Variants in GSE1 observed in about 807,000 individuals in gnomAD.
The protein encoded by GSE1 is genetic suppressor element 1.
GSE1 carries 32 observed loss-of-function variants against 112.6 expected under a neutral mutation model. The observed-to-expected ratio is 0.28, with a 90% confidence interval of 0.21 to 0.38. The LOEUF (loss-of-function observed/expected upper bound fraction) is 0.38. Ranked by LOEUF, GSE1 falls within the 10% of genes least tolerant of loss-of-function variation. The pLI, the probability that GSE1 is intolerant of heterozygous loss-of-function variation, is 1.00. For synonymous variants in GSE1, 1,115 were observed against 735.6 expected (o/e 1.52, Z -8.35); for missense variants, 2,348 against 1,699.2 (o/e 1.38, Z -6.71).
At chr16:85,620,121 A>G (rs1322843135) in intron 1 of GSE1, among the ~76,000 whole-genome samples, 2 of 152,110 alleles carry the variant, frequency 1.3e-5, no homozygotes, top group East Asian at 3.9e-4. Flanking sequence ...AAAAATAAAA[A>G]TAAAAATAAA....
At chr16:85,324,039 A>T (rs537163426) in intron 1 of GSE1, among the ~76,000 whole-genome samples, 5 of 152,368 alleles carry the variant, frequency 3.3e-5, no homozygotes, top group African/African-American at 1.2e-4. Flanking sequence ...GGCAGGAATT[A>T]AAAAGGCAGA....
chr16:85,663,045 C>T lies in GSE1; in HGVS notation c.2325C>T (p.Leu775=). 6.2e-7 allele frequency: 1 copy of T among 1,613,294 alleles called. No individual in the cohort carries two copies. The highest frequency in any genetic ancestry group is 8.5e-7 in the Non-Finnish European group (1 of 1,179,866). ...ATGAGGAGGAGGTCAGGGCCCACCT[C>T]CGTTGCGTGGCCGAGCAGCCGCCCC... ...ESDEEEVRAH[L]RCVAEQPPLK... is the part of the protein sequence containing the mutation. Residue 775 remains leucine (L), a synonymous_variant, in exon 10 of 16, where the codon CTC becomes CTT. Coordinates refer to ENST00000253458, the MANE Select transcript of GSE1 (RefSeq NM_014615.5).
chr16:85,360,632 C>T (rs1361674732), intron 2 of GSE1, among the ~76,000 whole-genome samples: 2 of 151,952 alleles, frequency 1.3e-5, no homozygotes, highest in South Asian at 2.1e-4. Flanking sequence ...GGCGGCGGGG[C>T]GGGTGCAGGG....
At chr16:85,212,025 C>T (rs1011052763) in intron 1 of GSE1, among the ~76,000 whole-genome samples, 1 of 152,196 alleles carries the variant, frequency 6.6e-6, no homozygotes, top group Non-Finnish European at 1.5e-5. Flanking sequence ...TGAGCCATGT[C>T]CCTCAACTTT....
intron 1 of GSE1, among the ~76,000 whole-genome samples, chr16:85,331,456 T>C (rs2046352526): frequency 7.0e-6 from 1 of 142,958 alleles, no homozygotes; most frequent in Non-Finnish European, 1.5e-5. Flanking sequence ...TATATGTATA[T>C]ATATGTGTGT....
intron 1 of GSE1, among the ~76,000 whole-genome samples, chr16:85,212,707 T>C (rs1268786404): frequency 6.6e-6 from 1 of 152,128 alleles, no homozygotes; most frequent in East Asian, 1.9e-4. Flanking sequence ...AGAAAACTAA[T>C]ATGACGCCCC....
chr16:85,170,566 A>T, exon 1 of GSE1: 1 of 985,698 alleles, frequency 1.0e-6, no homozygotes, highest in Non-Finnish European at 1.2e-6. Flanking sequence ...CAAAGAGAAG[A>T]ACAGTGGCCG....
At chr16:85,641,249 C>A (rs1489812736) in intron 2 of GSE1, among the ~76,000 whole-genome samples, 3 of 152,254 alleles carry the variant, frequency 2.0e-5, no homozygotes, top group African/African-American at 4.8e-5. Flanking sequence ...GCGGACTCTC[C>A]CGGCTCCATC....
chr16:85,305,567 G>A (rs1236895383), intron 1 of GSE1, among the ~76,000 whole-genome samples: 4 of 152,000 alleles, frequency 2.6e-5, no homozygotes, highest in African/African-American at 4.8e-5. Flanking sequence ...TGCAACCTCC[G>A]CCTCCTGGGT....
At chr16:85,559,026 T>G (rs1442310017) in intron 1 of GSE1, among the ~76,000 whole-genome samples, 1 of 152,082 alleles carries the variant, frequency 6.6e-6, no homozygotes, top group Non-Finnish European at 1.5e-5. Flanking sequence ...CCAGGCTAAT[T>G]TGTGTATTTT....
intron 1 of GSE1, among the ~76,000 whole-genome samples, chr16:85,236,372 C>G (rs545193103): frequency 6.6e-6 from 1 of 152,332 alleles, no homozygotes; most frequent in Admixed American, 6.5e-5. Context: ...TTTCACATCC[C>G]CCAAGTTGCA....
intron 2 of GSE1, among the ~76,000 whole-genome samples, chr16:85,359,838 T>C (rs1006515506): frequency 2.0e-5 from 3 of 152,060 alleles, no homozygotes; most frequent in African/African-American, 7.2e-5. Flanking sequence ...GAGACCAGCC[T>C]GGGCAACCCC....
At chr16:85,431,029 C>A (rs79926324) in intron 2 of GSE1, among the ~76,000 whole-genome samples, 9,183 of 152,168 alleles carry the variant, frequency 0.06, 469 homozygotes, top group East Asian at 0.3. Flanking sequence ...TTTTAAAGCT[C>A]CCCAAGTGAT....
chr16:85,447,141 C>T (rs1273004314), intron 2 of GSE1, among the ~76,000 whole-genome samples: 1 of 152,188 alleles, frequency 6.6e-6, no homozygotes. Flanking sequence ...CATGGGCCCT[C>T]CCAGCACCTG....
intron 1 of GSE1, among the ~76,000 whole-genome samples, chr16:85,299,809 A>G (rs546280378): frequency 6.6e-5 from 10 of 151,992 alleles, no homozygotes; most frequent in Non-Finnish European, 1.3e-4. Context: ...GTGTGGTGGC[A>G]TACATAATCA....
chr16:85,505,655 A>G (rs1222575146), intron 2 of GSE1, among the ~76,000 whole-genome samples: 2 of 152,112 alleles, frequency 1.3e-5, no homozygotes, highest in African/African-American at 4.8e-5. Flanking sequence ...TGGCGTGTAT[A>G]GACACCCCTA....
intron 2 of GSE1, among the ~76,000 whole-genome samples, chr16:85,437,017 CT>C (rs1164342106): frequency 6.6e-6 from 1 of 152,234 alleles, no homozygotes; most frequent in African/African-American, 2.4e-5. Flanking sequence ...GCCTACTCCC[CT>C]CCCCAGCGAC....
At chr16:85,220,732 C>T (rs1442795316) in intron 1 of GSE1, among the ~76,000 whole-genome samples, 1 of 152,200 alleles carries the variant, frequency 6.6e-6, no homozygotes, top group Non-Finnish European at 1.5e-5. Context: ...CTCTCTGCAC[C>T]TCTGGTGTCT....
upstream of GSE1, chr16:85,555,108 G>C (rs1369406746): frequency 2.0e-6 from 2 of 984,902 alleles, no homozygotes; most frequent in Non-Finnish European, 2.4e-6. Flanking sequence ...GGAAGGAGCC[G>C]CCGCCGCCGC....
Sources: allele counts gnomAD v4.1 joint callset (sites outside exome capture counted in the v4.1 genomes callset), GRCh38; gene constraint gnomAD v4.1.1; transcripts MANE v1.5; gene names NCBI Gene and HGNC (gene_info 2026-07-23, HGNC 2026-07-21).